PROX2: variants seen among roughly 807,000 people sequenced by gnomAD.
The protein encoded by PROX2 is prospero homeobox 2, also known as prospero homeobox protein 2.
In PROX2, 46 loss-of-function variants were observed where a neutral mutation model predicts 48.9. The observed-to-expected ratio is 0.94, with a 90% CI of 0.74 to 1.20. The LOEUF (loss-of-function observed/expected upper bound fraction) is 1.20. Among genes scored for constraint, PROX2 ranks in the 50% most tolerant of loss-of-function variants. PROX2 has a pLI of 0.00. For synonymous variants in PROX2, 260 were observed against 276.6 expected, an observed-to-expected ratio of 0.94 and a Z score of 0.60; for missense variants, 663 against 719.4, an observed-to-expected ratio of 0.92 and a Z score of 0.90.
intron 1 of PROX2, among the ~76,000 whole-genome samples, chr14:74,875,472 C>T (rs749863331): frequency 6.6e-6 from 1 of 152,202 alleles, no homozygotes; most frequent in Non-Finnish European, 1.5e-5. Context: ...TGTGGCTGTA[C>T]AAGCACTTGG....
intron 3 of PROX2, chr14:74,858,804 G>A: frequency 3.2e-6 from 1 of 316,702 alleles, no homozygotes; most frequent in Non-Finnish European, 5.9e-6. Flanking sequence ...GTGTGTGTGT[G>A]TGTGTGGTGT....
intron 3 of PROX2, 105 bp downstream of exon 3, chr14:74,862,425 C>G (rs918071275): frequency 7.5e-7 from 1 of 1,329,066 alleles, no homozygotes; most frequent in South Asian, 1.4e-5. Context: ...AACACCTGTC[C>G]TCAAGTAATC....
chr14:74,870,439 A>ATACACACAC (rs1555371979), intron 2 of PROX2, among the ~76,000 whole-genome samples: 4 of 29,950 alleles, frequency 1.3e-4, no homozygotes, highest in African/African-American at 9.5e-4. Flanking sequence ...AAAAAAAAAA[A>ATACACACAC]ATACACACAC....
chr14:74,866,114 C>T (rs552193150), intron 2 of PROX2, among the ~76,000 whole-genome samples: 110 of 151,714 alleles, frequency 7.3e-4, no homozygotes, highest in Non-Finnish European at 1.2e-3. Context: ...AAAAATTAGC[C>T]GAGTGTGGTG....
In PROX2 at chr14:74,855,120, A is replaced by C. The variant is rs1440242141; in HGVS notation, c.*12T>G. ...TCACTCCTCACGTTGTGGGATCTTA[A>C]CCCCGAAACAGCTACTGGGGATAGC... On this transcript the variant is annotated 3_prime_UTR_variant, in exon 6 of 6. Coordinates refer to ENST00000556489, the MANE Select transcript of PROX2 (RefSeq NM_001243007.2). 6.6e-7 allele frequency: 1 copy of C among 1,522,524 alleles called. No homozygotes were observed. Among genetic ancestry groups the C allele is most frequent in the Non-Finnish European group, 8.9e-7 (1 of 1,122,388 alleles). The allele number at this position is 1,522,524 out of a possible 1,614,324, so 94.3% of individuals were successfully genotyped here.
intron 3 of PROX2, among the ~76,000 whole-genome samples, chr14:74,859,947 C>T (rs982926493): frequency 6.6e-6 from 1 of 152,204 alleles, no homozygotes; most frequent in African/African-American, 2.4e-5. Context: ...CTTGGGCAAG[C>T]CACTTAACTG....
intron 1 of PROX2, among the ~76,000 whole-genome samples, chr14:74,873,499 T>C (rs1030673482): frequency 1.3e-5 from 2 of 152,130 alleles, no homozygotes; most frequent in African/African-American, 4.8e-5. Flanking sequence ...CCCACAGCCA[T>C]AGAACTCCAG....
intron 3 of PROX2, chr14:74,859,538 A>G (rs1371226175): frequency 2.6e-5 from 4 of 152,232 alleles, no homozygotes; most frequent in Admixed American, 6.5e-5. Context: ...CCCTTTAACA[A>G]GAGTCGGAGA....
In PROX2 at chr14:74,854,051, G is replaced by A; in HGVS notation, c.*1081C>T. 4.8e-6 allele frequency: 1 copy of A among 210,180 alleles called. No individual in the cohort carries two copies. Among genetic ancestry groups the A allele is most frequent in the Non-Finnish European group, 1.0e-5 (1 of 98,804 alleles). 13.0% of individuals were successfully genotyped at this position (210,180 alleles called of 1,614,324 possible). ...TATGCCATTTATCATCTGCAAGGCT[G>A]TGCACAGCCTGTGCAAGCCTCCTGT... On this transcript the variant is annotated 3_prime_UTR_variant, in exon 6 of 6. Coordinates refer to ENST00000556489, the MANE Select transcript of PROX2 (RefSeq NM_001243007.2).
Position 74,854,134 on chromosome 14 carries a change from GCCCTTTC to G in PROX2, c.*991_*997del. 3.0e-6 allele frequency: 1 copy of G among 337,090 alleles called. No homozygotes were observed. Among genetic ancestry groups the G allele is most frequent in the South Asian group, 2.2e-5 (1 of 44,968 alleles). 20.9% of individuals were successfully genotyped at this position (337,090 alleles called of 1,614,324 possible). On this transcript the variant is annotated 3_prime_UTR_variant, in exon 6 of 6. Transcript: ENST00000556489. ...AGCATGGGCCAGATGATCTCCTAAG[GCCCTTTC>G]TACCTTTCACAGTCTGAAGTTCAGC...
At chr14:74,874,030 T>A (rs1041554410) in intron 1 of PROX2, 1 of 521,710 alleles carries the variant, frequency 1.9e-6, no homozygotes, top group African/African-American at 1.9e-5. Context: ...TCTAACAGGA[T>A]GTCAAGTCAT....
intron 2 of PROX2, among the ~76,000 whole-genome samples, chr14:74,864,822 A>T (rs2091830557): frequency 6.7e-6 from 1 of 148,648 alleles, no homozygotes; most frequent in Non-Finnish European, 1.5e-5. Flanking sequence ...AGCCTGGGTG[A>T]CAGAGCGAGA....
rs2091719498 is a variant in PROX2, at chr14:74,853,438, C to T, written c.*1694G>A. On this transcript the variant is annotated 3_prime_UTR_variant, in exon 6 of 6. Coordinates refer to ENST00000556489, the MANE Select transcript of PROX2 (RefSeq NM_001243007.2). ...TTCCTTCATTTTTGTGAAAATAGGG[C>T]AAAGATCTTCTGAGTGCAATTGGAT... 6.6e-6 allele frequency: 1 copy of T among 152,176 alleles called. No homozygotes were observed. Among genetic ancestry groups the T allele is most frequent in the Non-Finnish European group, 1.5e-5 (1 of 68,044 alleles). The allele number at this position is 152,176 out of a possible 1,614,324, so 9.4% of individuals were successfully genotyped here.
At chr14:74,865,523 C>A (rs7157646) in intron 2 of PROX2, among the ~76,000 whole-genome samples, 2 of 152,186 alleles carry the variant, frequency 1.3e-5, no homozygotes, top group Non-Finnish European at 2.9e-5. Context: ...ACTCCAACCA[C>A]GTCACTTGCT....
intron 2 of PROX2, chr14:74,865,139 T>G (rs994794691): frequency 6.9e-6 from 1 of 144,110 alleles, no homozygotes; most frequent in Non-Finnish European, 1.5e-5. Context: ...AGTGAAACTC[T>G]GTCTTAAGAA....
At chr14:74,870,692 C>G (rs1009297754) in intron 2 of PROX2, among the ~76,000 whole-genome samples, 1 of 151,970 alleles carries the variant, frequency 6.6e-6, no homozygotes, top group Admixed American at 6.6e-5. Context: ...GGGATATATG[C>G]GAAATCTCTG....
intron 3 of PROX2, among the ~76,000 whole-genome samples, chr14:74,860,156 C>A (rs905363410): frequency 2.6e-5 from 4 of 152,124 alleles, no homozygotes; most frequent in Non-Finnish European, 5.9e-5. Flanking sequence ...AGGTCTAAAC[C>A]CGTTATCTGA....
In PROX2 at chr14:74,863,678, G is replaced by T; in HGVS notation, c.157C>A (p.Pro53Thr). 6.4e-7 allele frequency: 1 copy of T among 1,554,736 alleles called. No homozygotes were observed. Among genetic ancestry groups the T allele is most frequent in the Non-Finnish European group, 8.7e-7 (1 of 1,151,564 alleles). ...SQVPSSSPTD[P>T]EWFGDEHIQA... Reference sequence around the variant, plus strand: ...ATGTGCTCATCACCAAACCATTCGGGGTCTGTAGGGCTGGAGCTGGGGACC... The same window carrying T: ...ATGTGCTCATCACCAAACCATTCGGTGTCTGTAGGGCTGGAGCTGGGGACC... The change falls in exon 3 of 6, where the codon CCC becomes ACC. Residue 53 changes from proline (P) to threonine (T), a missense_variant. Physicochemically the swap from Pro to Thr is conservative, Grantham distance 38. Coordinates refer to ENST00000556489, the MANE Select transcript of PROX2 (RefSeq NM_001243007.2).
At chr14:74,866,119 G>A (rs1324704503) in intron 2 of PROX2, among the ~76,000 whole-genome samples, 3 of 151,880 alleles carry the variant, frequency 2.0e-5, no homozygotes, top group Non-Finnish European at 4.4e-5. Flanking sequence ...TTAGCCGAGT[G>A]TGGTGGCGGG....
Sources: allele counts gnomAD v4.1 joint callset (sites outside exome capture counted in the v4.1 genomes callset), GRCh38; gene constraint gnomAD v4.1.1; transcripts MANE v1.5; gene names NCBI Gene and HGNC (gene_info 2026-07-23, HGNC 2026-07-21).